The following BLTP3A variants were observed in gnomAD, a reference collection of about 807,000 sequenced individuals.
BLTP3A encodes bridge-like lipid transfer protein family member 3A, also known as ICBP90 binding protein 1.
chr6:34,875,450 C>A, the BLTP3A span: 2 of 152,186 alleles, frequency 1.3e-5, no homozygotes, highest in Admixed American at 1.3e-4. Flanking sequence ...CCCTCACCCA[C>A]CATATACCTC....
chr6:34,849,877 C>A, the BLTP3A span, among the ~76,000 whole-genome samples: 1 of 152,106 alleles, frequency 6.6e-6, no homozygotes, highest in African/African-American at 2.4e-5. Flanking sequence ...GTGGCTCATG[C>A]CTTTAATAAT....
At chr6:34,866,673 G>A in the BLTP3A span, among the ~76,000 whole-genome samples, 1 of 152,162 alleles carries the variant, frequency 6.6e-6, no homozygotes, top group Admixed American at 6.6e-5. Context: ...CATTACTACT[G>A]TCTATCTGCA....
At chr6:34,874,093 T>A in the BLTP3A span, 1 of 152,236 alleles carries the variant, frequency 6.6e-6, no homozygotes, top group Non-Finnish European at 1.5e-5. Flanking sequence ...CTGGAGAAGA[T>A]GCTAATGGGA....
the BLTP3A span, among the ~76,000 whole-genome samples, chr6:34,800,983 C>G: frequency 6.6e-6 from 1 of 152,126 alleles, no homozygotes; most frequent in Non-Finnish European, 1.5e-5. Context: ...CCTACCTGAG[C>G]CTCCCAAAGT....
At chr6:34,871,904 A>C in the BLTP3A span, 3 of 1,614,070 alleles carry the variant, frequency 1.9e-6, no homozygotes, top group African/African-American at 4.0e-5. Context: ...TGGTGCCCAC[A>C]GGAGAGGTTT....
chr6:34,825,508 T>C, the BLTP3A span, among the ~76,000 whole-genome samples: 1 of 152,214 alleles, frequency 6.6e-6, no homozygotes, highest in Non-Finnish European at 1.5e-5. Context: ...GGTTTCACCA[T>C]GTTAGTCAGG....
chr6:34,842,132 G>A, the BLTP3A span, among the ~76,000 whole-genome samples: 1 of 151,980 alleles, frequency 6.6e-6, no homozygotes, highest in Non-Finnish European at 1.5e-5. Flanking sequence ...ATAGTTTATT[G>A]TTCTTTTAGC....
At chr6:34,816,623 A>G in the BLTP3A span, among the ~76,000 whole-genome samples, 1 of 152,182 alleles carries the variant, frequency 6.6e-6, no homozygotes, top group Non-Finnish European at 1.5e-5. Flanking sequence ...AAAATAAAAT[A>G]AAATAAAAAT....
chr6:34,867,689 C>T, the BLTP3A span: 1 of 1,520,328 alleles, frequency 6.6e-7, no homozygotes, highest in African/African-American at 1.4e-5. Context: ...TTGTACTTGT[C>T]ACTGTGCTCT....
the BLTP3A span, among the ~76,000 whole-genome samples, chr6:34,819,511 G>C: frequency 6.6e-6 from 1 of 152,128 alleles, no homozygotes; most frequent in African/African-American, 2.4e-5. Context: ...GGATTAGGAA[G>C]AATGGCCAAG....
chr6:34,874,763 G>A, the BLTP3A span: 1 of 152,238 alleles, frequency 6.6e-6, no homozygotes, highest in Non-Finnish European at 1.5e-5. Context: ...GGCATCATCA[G>A]GAAGGGCTTT....
the BLTP3A span, among the ~76,000 whole-genome samples, chr6:34,823,699 T>C: frequency 6.6e-6 from 1 of 151,864 alleles, no homozygotes; most frequent in Admixed American, 6.6e-5. Context: ...CACATCACCA[T>C]GCCTGGCTAG....
At chr6:34,858,061 A>G in the BLTP3A span, 1 of 1,577,118 alleles carries the variant, frequency 6.3e-7, no homozygotes, top group Non-Finnish European at 8.6e-7. Flanking sequence ...CATGTGTATT[A>G]ATAGTGGGAT....
chr6:34,828,479 A>T, the BLTP3A span, among the ~76,000 whole-genome samples: 33 of 147,834 alleles, frequency 2.2e-4, no homozygotes, highest in Non-Finnish European at 4.0e-4. Flanking sequence ...GTGTGTATTT[A>T]TATATATATA....
the BLTP3A span, among the ~76,000 whole-genome samples, chr6:34,800,920 G>C: frequency 6.6e-6 from 1 of 152,026 alleles, no homozygotes; most frequent in African/African-American, 2.4e-5. Flanking sequence ...GTAGAGATGG[G>C]GTTTCACCAT....
the BLTP3A span, among the ~76,000 whole-genome samples, chr6:34,801,026 G>A: frequency 6.6e-6 from 1 of 152,264 alleles, no homozygotes; most frequent in Non-Finnish European, 1.5e-5. Context: ...TACAGCCACC[G>A]CATCTGGCTA....
chr6:34,852,575 C>T, the BLTP3A span, among the ~76,000 whole-genome samples: 2 of 149,006 alleles, frequency 1.3e-5, no homozygotes, highest in Admixed American at 6.7e-5. Flanking sequence ...CTCTCCTCTC[C>T]TCTCCTCAGG....
the BLTP3A span, among the ~76,000 whole-genome samples, chr6:34,825,298 T>C: frequency 6.6e-6 from 1 of 151,936 alleles, no homozygotes; most frequent in East Asian, 1.9e-4. Context: ...CTGGCCTCTT[T>C]TCTTTTTTCT....
At chr6:34,855,524 A>G in the BLTP3A span, 1 of 1,450,684 alleles carries the variant, frequency 6.9e-7, no homozygotes, top group Non-Finnish European at 9.6e-7. Flanking sequence ...TGGGCTTTGA[A>G]GCTGGTCGTT....
Sources: allele counts gnomAD v4.1 joint callset (sites outside exome capture counted in the v4.1 genomes callset), GRCh38; gene constraint gnomAD v4.1.1; transcripts MANE v1.5; gene names NCBI Gene and HGNC (gene_info 2026-07-23, HGNC 2026-07-21).